Variants in GPR158 observed in about 807,000 individuals in gnomAD.
GPR158 encodes the protein G protein-coupled receptor 158.
GPR158 carries 30 observed loss-of-function variants against 78.2 expected under a neutral mutation model. That is an observed-to-expected ratio of 0.38 (90% CI 0.29 to 0.52). The LOEUF (loss-of-function observed/expected upper bound fraction) is 0.52, where lower values mean the gene tolerates loss of function less well. Among genes scored for constraint, GPR158 ranks in the 20% least tolerant of loss-of-function variants. The pLI, the probability that GPR158 is intolerant of heterozygous loss-of-function variation, is 0.83. For synonymous variants in GPR158, 581 were observed against 591.1 expected, an observed-to-expected ratio of 0.98 and a Z score of 0.25; for missense variants, 1,463 against 1,523.5, an observed-to-expected ratio of 0.96 and a Z score of 0.66.
intron 4 of GPR158, among the ~76,000 whole-genome samples, chr10:25,423,766 T>C (rs1431567023): frequency 6.6e-6 from 1 of 152,230 alleles, no homozygotes; most frequent in Non-Finnish European, 1.5e-5. Flanking sequence ...TGCCACATTT[T>C]CTTAATCCAG....
At chr10:25,452,217 T>TAC (rs891974800) in intron 4 of GPR158, among the ~76,000 whole-genome samples, 3 of 151,068 alleles carry the variant, frequency 2.0e-5, no homozygotes, top group African/African-American at 7.4e-5. Flanking sequence ...TTTAAATATA[T>TAC]ATATATATGG....
chr10:25,214,226 C>G (rs531419648), intron 1 of GPR158, among the ~76,000 whole-genome samples: 5 of 151,552 alleles, frequency 3.3e-5, no homozygotes, highest in Non-Finnish European at 1.5e-5. Context: ...GATCTCCTGA[C>G]CTCGTGATCC....
chr10:25,285,645 T>C (rs1267475600), intron 2 of GPR158, among the ~76,000 whole-genome samples: 1 of 152,154 alleles, frequency 6.6e-6, no homozygotes, highest in African/African-American at 2.4e-5. Context: ...CCCTGGTGGA[T>C]TGGATGGTAC....
chr10:25,422,485 T>C (rs527289507), intron 4 of GPR158, among the ~76,000 whole-genome samples: 1 of 152,152 alleles, frequency 6.6e-6, no homozygotes, highest in South Asian at 2.1e-4. Flanking sequence ...CACACCTCTG[T>C]CCATGGAAAA....
chr10:25,321,635 C>T (rs1854948899), intron 2 of GPR158, among the ~76,000 whole-genome samples: 1 of 131,652 alleles, frequency 7.6e-6, no homozygotes, highest in Non-Finnish European at 1.6e-5. Flanking sequence ...TTATATAACC[C>T]TCCTTTAAAA....
intron 2 of GPR158, among the ~76,000 whole-genome samples, chr10:25,245,603 G>A (rs1173232335): frequency 6.6e-6 from 1 of 151,906 alleles, no homozygotes; most frequent in African/African-American, 2.4e-5. Context: ...CCAAGATTGT[G>A]GTAAAGTTCC....
At chr10:25,248,925 T>A (rs1205026950) in intron 2 of GPR158, among the ~76,000 whole-genome samples, 1 of 151,344 alleles carries the variant, frequency 6.6e-6, no homozygotes, top group Non-Finnish European at 1.5e-5. Context: ...ATTTTCATGA[T>A]ATTGATTCTT....
At chr10:25,271,974 A>G (rs1313979689) in intron 2 of GPR158, among the ~76,000 whole-genome samples, 1 of 152,128 alleles carries the variant, frequency 6.6e-6, no homozygotes, top group African/African-American at 2.4e-5. Context: ...TTTGTGGGCA[A>G]AAATGCCCAG....
At chr10:25,191,175 C>T (rs1450658408) in intron 1 of GPR158, among the ~76,000 whole-genome samples, 1 of 152,148 alleles carries the variant, frequency 6.6e-6, no homozygotes, top group East Asian at 1.9e-4. Context: ...TTTTAGTAAA[C>T]ATCTTGTGAA....
chr10:25,277,596 G>A (rs1255317217), intron 2 of GPR158, among the ~76,000 whole-genome samples: 2 of 152,114 alleles, frequency 1.3e-5, no homozygotes, highest in African/African-American at 4.8e-5. Context: ...AACCAAGTGT[G>A]GGAACTCAGG....
chr10:25,204,710 T>A (rs1409650453), intron 1 of GPR158, among the ~76,000 whole-genome samples: 1 of 152,180 alleles, frequency 6.6e-6, no homozygotes, highest in African/African-American at 2.4e-5. Context: ...TGGTCTAAAA[T>A]TCTCTTTTTT....
At chr10:25,421,280 C>T (rs1834747078) in intron 4 of GPR158, among the ~76,000 whole-genome samples, 1 of 152,140 alleles carries the variant, frequency 6.6e-6, no homozygotes, top group Non-Finnish European at 1.5e-5. Flanking sequence ...ATATTATCTT[C>T]CATAGTCCCA....
At chr10:25,396,124 T>C in intron 3 of GPR158, 111 bp downstream of exon 3, 1 of 543,332 alleles carries the variant, frequency 1.8e-6, no homozygotes, top group Non-Finnish European at 3.2e-6. Context: ...AATCATTGGT[T>C]TGGCATTCTT....
chr10:25,380,984 A>G (rs1564439539), intron 2 of GPR158, among the ~76,000 whole-genome samples: 1 of 152,224 alleles, frequency 6.6e-6, no homozygotes, highest in Non-Finnish European at 1.5e-5. Flanking sequence ...CATTTGCACA[A>G]AAGTTATAAA....
chr10:25,540,970 ATATATAT>A (rs1564484272), intron 5 of GPR158, among the ~76,000 whole-genome samples: 6,047 of 125,366 alleles, frequency 0.048, 441 homozygotes, highest in African/African-American at 0.19. Flanking sequence ...ATATATATAT[ATATATAT>A]AAAGTTTATC....
intron 6 of GPR158, among the ~76,000 whole-genome samples, chr10:25,563,319 T>C (rs1177648941): frequency 6.6e-6 from 1 of 152,126 alleles, no homozygotes; most frequent in East Asian, 1.9e-4. Context: ...TACCTTTTTA[T>C]TTACAAACTA....
intron 2 of GPR158, among the ~76,000 whole-genome samples, chr10:25,316,040 T>C (rs1354906872): frequency 6.6e-6 from 1 of 152,160 alleles, no homozygotes; most frequent in African/African-American, 2.4e-5. Flanking sequence ...TTTGCTTGAG[T>C]TCTTGAAAAT....
chr10:25,596,507 C>CTATATATATATATAGATATATATA, intron 9 of GPR158, 136 bp from the exon 10 acceptor site: 1 of 591,738 alleles, frequency 1.7e-6, no homozygotes, highest in Non-Finnish European at 2.9e-6. Context: ...ATCTATCTAT[C>CTATATATATATATAGATATATATA]TATATATATA....
At chr10:25,520,798 G>A (rs930090594) in intron 5 of GPR158, among the ~76,000 whole-genome samples, 2 of 152,208 alleles carry the variant, frequency 1.3e-5, no homozygotes, top group Non-Finnish European at 2.9e-5. Context: ...AGGGACAGCA[G>A]AGGTTACTGC....
Sources: gnomAD v4.1 joint callset for allele counts (sites outside exome capture counted in the v4.1 genomes callset) on GRCh38, gnomAD v4.1.1 for gene constraint, MANE v1.5 for transcripts, NCBI Gene and HGNC (gene_info 2026-07-23, HGNC 2026-07-21) for gene names.